Variants in MDGA2 observed in about 807,000 individuals in gnomAD.
MDGA2 encodes the protein MAM domain-containing glycosylphosphatidylinositol anchor protein 2.
A neutral mutation model predicts 117.8 loss-of-function variants in MDGA2; 40 were observed. That is an observed-to-expected ratio of 0.34 (90% CI 0.26 to 0.44). The LOEUF (loss-of-function observed/expected upper bound fraction) is 0.44. Ranked by LOEUF, MDGA2 falls within the 20% of genes least tolerant of loss-of-function variation. MDGA2 has a pLI of 1.00. For synonymous variants in MDGA2, 452 were observed against 439.0 expected (o/e 1.03, Z -0.37); for missense variants, 1,123 against 1,250.6 (o/e 0.90, Z 1.54).
In MDGA2 at chr14:47,035,108, TACATTC is replaced by T; in HGVS notation, c.1716_1721del (p.Asn573_Val574del). On this transcript the variant is annotated inframe_deletion, in exon 8 of 17. Transcript: ENST00000399232. ...TGTACATTCCTGACATTTCCCTAGATACATTCACAATCCTCAGTGTTCCATCATAAC... is the reference window on the plus strand; with the variant it reads ...TGTACATTCCTGACATTTCCCTAGATACAATCCTCAGTGTTCCATCATAAC... The T allele has an allele frequency of 6.2e-7, 1 of 1,614,154 alleles. No homozygotes were observed. The highest frequency in any genetic ancestry group is 8.5e-7 in the Non-Finnish European group (1 of 1,180,018).
intron 1 of MDGA2, among the ~76,000 whole-genome samples, chr14:47,389,603 CA>C (rs1891843640): frequency 1.8e-5 from 1 of 56,046 alleles, no homozygotes; most frequent in African/African-American, 4.9e-5. Flanking sequence ...CACACACACA[CA>C]CCCACACACA....
intron 10 of MDGA2, among the ~76,000 whole-genome samples, chr14:46,896,963 C>T (rs1883100477): frequency 6.6e-6 from 1 of 152,068 alleles, no homozygotes; most frequent in Non-Finnish European, 1.5e-5. Flanking sequence ...CTGGGAAGGC[C>T]TACATCTTTT....
chr14:47,386,891 T>A (rs1022131428), intron 1 of MDGA2, among the ~76,000 whole-genome samples: 12 of 152,220 alleles, frequency 7.9e-5, no homozygotes, highest in Admixed American at 6.5e-4. Context: ...ATTTTCCTCA[T>A]CTGCAAAATG....
At chr14:47,106,577 C>T (rs898680269) in intron 5 of MDGA2, among the ~76,000 whole-genome samples, 2 of 152,028 alleles carry the variant, frequency 1.3e-5, no homozygotes, top group Non-Finnish European at 2.9e-5. Flanking sequence ...CTGGCAGCCA[C>T]TCCCAGAGCC....
intron 1 of MDGA2, among the ~76,000 whole-genome samples, chr14:47,379,297 C>T (rs1171196410): frequency 1.3e-5 from 2 of 152,186 alleles, no homozygotes; most frequent in Non-Finnish European, 2.9e-5. Flanking sequence ...TAGGAAGAAA[C>T]TGCATCAACT....
intron 1 of MDGA2, among the ~76,000 whole-genome samples, chr14:47,608,869 G>C (rs1896788210): frequency 6.6e-6 from 1 of 151,966 alleles, no homozygotes; most frequent in Non-Finnish European, 1.5e-5. Context: ...AAACCGGCTG[G>C]ATTCTGGATA....
intron 1 of MDGA2, among the ~76,000 whole-genome samples, chr14:47,655,885 C>T (rs557043410): frequency 1.9e-4 from 29 of 152,206 alleles, no homozygotes; most frequent in African/African-American, 7.0e-4. Context: ...AAGCTTAGAC[C>T]ATATAATCCC....
At chr14:46,991,347 G>C (rs891630537) in intron 8 of MDGA2, among the ~76,000 whole-genome samples, 1 of 152,040 alleles carries the variant, frequency 6.6e-6, no homozygotes, top group Non-Finnish European at 1.5e-5. Flanking sequence ...TTGGGACTTA[G>C]AAAACAACTT....
chr14:46,915,143 T>C (rs1466134953), intron 10 of MDGA2, among the ~76,000 whole-genome samples: 1 of 152,170 alleles, frequency 6.6e-6, no homozygotes, highest in East Asian at 1.9e-4. Flanking sequence ...TACATGCATG[T>C]AATATAAAAT....
At chr14:47,258,091 T>C (rs959796461) in intron 2 of MDGA2, among the ~76,000 whole-genome samples, 1 of 152,166 alleles carries the variant, frequency 6.6e-6, no homozygotes, top group African/African-American at 2.4e-5. Context: ...ATGATATTTC[T>C]TTTTCTCCTT....
intron 1 of MDGA2, among the ~76,000 whole-genome samples, chr14:47,383,692 C>T (rs1276361757): frequency 6.6e-6 from 1 of 151,884 alleles, no homozygotes; most frequent in Non-Finnish European, 1.5e-5. Context: ...GCACCTGCCA[C>T]CTTTGTATTT....
intron 1 of MDGA2, among the ~76,000 whole-genome samples, chr14:47,550,077 T>C (rs953251246): frequency 2.6e-5 from 4 of 152,184 alleles, no homozygotes; most frequent in African/African-American, 9.6e-5. Context: ...TGGGTATTGC[T>C]TCATTGATGT....
chr14:47,291,904 T>C (rs910629523), intron 2 of MDGA2, among the ~76,000 whole-genome samples: 2 of 152,230 alleles, frequency 1.3e-5, no homozygotes, highest in Non-Finnish European at 2.9e-5. Context: ...GCGTTAGCCC[T>C]GATCTAGGGC....
chr14:47,297,378 C>A (rs1889108890), intron 2 of MDGA2, among the ~76,000 whole-genome samples: 1 of 136,572 alleles, frequency 7.3e-6, no homozygotes, highest in Non-Finnish European at 1.5e-5. Context: ...ATTGACGTGA[C>A]AATTTTGAGA....
intron 8 of MDGA2, among the ~76,000 whole-genome samples, chr14:46,992,462 G>A (rs1887129121): frequency 6.6e-6 from 1 of 151,848 alleles, no homozygotes; most frequent in Non-Finnish European, 1.5e-5. Flanking sequence ...ACAATTATTG[G>A]CAGCTCCATG....
At chr14:47,632,235 T>A (rs1185177853) in intron 1 of MDGA2, among the ~76,000 whole-genome samples, 1 of 152,206 alleles carries the variant, frequency 6.6e-6, no homozygotes, top group African/African-American at 2.4e-5. Context: ...ATTTTCCCTA[T>A]AGAAATGAAT....
At chr14:46,950,177 A>C (rs1252317821) in intron 9 of MDGA2, among the ~76,000 whole-genome samples, 2 of 151,946 alleles carry the variant, frequency 1.3e-5, no homozygotes, top group Admixed American at 6.6e-5. Flanking sequence ...AAGTGATAGC[A>C]TTAACTTCAT....
intron 2 of MDGA2, among the ~76,000 whole-genome samples, chr14:47,284,091 T>G (rs1485123454): frequency 6.6e-6 from 1 of 152,112 alleles, no homozygotes; most frequent in East Asian, 1.9e-4. Flanking sequence ...ATTCATGAAA[T>G]GCAAAGGAAC....
At chr14:47,574,980 GGGTCTGTGTGTATAAAGTGTACATA>G (rs1465261986) in intron 1 of MDGA2, among the ~76,000 whole-genome samples, 1 of 152,136 alleles carries the variant, frequency 6.6e-6, no homozygotes, top group African/African-American at 2.4e-5. Flanking sequence ...GAGTATACGT[GGGTCTGTGTGTATAAAGTGTACATA>G]GGTCTGTGTG....
Sources: gnomAD v4.1 joint callset for allele counts (sites outside exome capture counted in the v4.1 genomes callset) on GRCh38, gnomAD v4.1.1 for gene constraint, MANE v1.5 for transcripts, NCBI Gene and HGNC (gene_info 2026-07-23, HGNC 2026-07-21) for gene names.